PTPRD: variants seen among roughly 807,000 people sequenced by gnomAD.
PTPRD encodes the protein receptor-type tyrosine-protein phosphatase delta.
PTPRD carries 34 observed loss-of-function variants against 214.5 expected under a neutral mutation model. The observed-to-expected ratio is 0.16, with a 90% CI of 0.12 to 0.21. The LOEUF (loss-of-function observed/expected upper bound fraction) is 0.21. Ranked by LOEUF, PTPRD falls within the 10% of genes least tolerant of loss-of-function variation. The pLI is 1.00. For missense variants in PTPRD, 2,545 were observed against 2,398.7 expected, an observed-to-expected ratio of 1.06 and a Z score of -1.27; for synonymous variants, 1,128 against 845.7, an observed-to-expected ratio of 1.33 and a Z score of -5.79.
chr9:10,157,446 T>A (rs1034318570), intron 3 of PTPRD, among the ~76,000 whole-genome samples: 4 of 152,324 alleles, frequency 2.6e-5, no homozygotes, highest in Non-Finnish European at 4.4e-5. Context: ...CTTAAGAATG[T>A]TGAATATTGG....
In PTPRD at chr9:8,524,968, G is replaced by A. The variant is rs369295626; in HGVS notation, c.636C>T (p.Ser212=). ...CAGGAGCGGAATAGCGAGTGCCCGC[G>A]CTGTTGGTGGCAACACACTCATATT... The part of the protein sequence containing the change: ...QGKYECVATN[S]AGTRYSAPAN... The change falls in exon 18 of 46, where the codon AGC becomes AGT. Residue 212 remains serine (S), a synonymous_variant. Transcript: ENST00000381196. 44 of 1,613,466 alleles carry A rather than the reference G, an allele frequency of 2.7e-5. No individual in the cohort carries two copies. The highest frequency in any genetic ancestry group is 3.5e-5 in the Non-Finnish European group (41 of 1,179,706).
chr9:9,213,554 C>G (rs1465659428), intron 9 of PTPRD, among the ~76,000 whole-genome samples: 2 of 151,966 alleles, frequency 1.3e-5, no homozygotes, highest in Non-Finnish European at 2.9e-5. Flanking sequence ...AATAGGCAAC[C>G]ATTGGTTAGG....
At chr9:9,657,747 AC>A (rs2096547357) in intron 7 of PTPRD, among the ~76,000 whole-genome samples, 2 of 152,206 alleles carry the variant, frequency 1.3e-5, no homozygotes, top group African/African-American at 4.8e-5. Context: ...TTGACATAGG[AC>A]CCACAAGGCT....
chr9:10,392,001 T>C (rs1319318836), intron 2 of PTPRD, among the ~76,000 whole-genome samples: 1 of 151,846 alleles, frequency 6.6e-6, no homozygotes, highest in Non-Finnish European at 1.5e-5. Context: ...TTCCTTAAAC[T>C]CTTTTATGCC....
At chr9:9,759,370 C>T (rs1384490627) in intron 6 of PTPRD, among the ~76,000 whole-genome samples, 2 of 152,144 alleles carry the variant, frequency 1.3e-5, no homozygotes, top group Admixed American at 6.6e-5. Context: ...AAGAAGTCCC[C>T]ACAACCCAGT....
chr9:8,914,470 A>T (rs1330721187), intron 11 of PTPRD, among the ~76,000 whole-genome samples: 3 of 152,144 alleles, frequency 2.0e-5, no homozygotes, highest in Admixed American at 6.6e-5. Context: ...CAACTACTGC[A>T]CTATGATTGT....
intron 11 of PTPRD, among the ~76,000 whole-genome samples, chr9:8,931,188 A>T (rs1156795639): frequency 6.6e-6 from 1 of 151,874 alleles, no homozygotes; most frequent in East Asian, 1.9e-4. Context: ...ATGCCTAGCC[A>T]GTTTTCCCAG....
chr9:9,680,064 G>A (rs189217417), intron 7 of PTPRD, among the ~76,000 whole-genome samples: 2 of 151,872 alleles, frequency 1.3e-5, no homozygotes, highest in Admixed American at 1.3e-4. Context: ...GATAAATATG[G>A]TATCAGGGAA....
At chr9:10,578,432 T>G (rs554550410) in intron 2 of PTPRD, among the ~76,000 whole-genome samples, 17 of 152,272 alleles carry the variant, frequency 1.1e-4, no homozygotes, top group Non-Finnish European at 2.5e-4. Context: ...TTACAAATTT[T>G]TCATTCATGT....
intron 9 of PTPRD, among the ~76,000 whole-genome samples, chr9:9,359,455 T>G (rs2138906776): frequency 6.6e-6 from 1 of 151,414 alleles, no homozygotes; most frequent in Middle Eastern, 3.4e-3. Context: ...TCTTTTCATC[T>G]CTGTCCTGAT....
At chr9:9,373,769 C>G (rs2060118190) in intron 9 of PTPRD, among the ~76,000 whole-genome samples, 1 of 152,050 alleles carries the variant, frequency 6.6e-6, no homozygotes, top group Admixed American at 6.6e-5. Flanking sequence ...TTTGACTATG[C>G]AGGGTGAAAT....
intron 7 of PTPRD, among the ~76,000 whole-genome samples, chr9:9,650,677 A>C (rs1175544391): frequency 6.6e-5 from 10 of 152,118 alleles, no homozygotes; most frequent in African/African-American, 2.2e-4. Context: ...ACTAACGAGT[A>C]CTAGGCTTAA....
chr9:8,768,392 A>C (rs1428017180), intron 11 of PTPRD, among the ~76,000 whole-genome samples: 1 of 152,116 alleles, frequency 6.6e-6, no homozygotes. Context: ...CTCTACAAAA[A>C]TACAAAACAA....
intron 8 of PTPRD, among the ~76,000 whole-genome samples, chr9:9,526,739 T>C (rs979997834): frequency 2.0e-5 from 3 of 152,152 alleles, no homozygotes; most frequent in African/African-American, 7.2e-5. Context: ...CATTTCACAA[T>C]CTTTGTGGAA....
At chr9:10,277,318 C>T (rs2094769683) in intron 3 of PTPRD, among the ~76,000 whole-genome samples, 1 of 151,488 alleles carries the variant, frequency 6.6e-6, no homozygotes, top group Non-Finnish European at 1.5e-5. Context: ...GTGCCTTTAT[C>T]CCAAATCCAT....
At chr9:9,953,374 A>G (rs2093625095) in intron 4 of PTPRD, among the ~76,000 whole-genome samples, 1 of 152,118 alleles carries the variant, frequency 6.6e-6, no homozygotes. Flanking sequence ...CCATTCAGTA[A>G]CAGGTGTACT....
chr9:9,796,009 A>T lies in PTPRD; in HGVS notation c.-367-29158T>A, dbSNP rs57070002. ...AAGAAAAAAGAAAATATATAGAATT[A>T]CAGAATTATATTAAGAAAAAGATTC... On this transcript the variant is annotated intron_variant, in intron 5 of 45. Transcript: ENST00000381196. Among the ~76,000 whole-genome samples, 1,000 of 152,296 alleles carry T rather than the reference A, an allele frequency of 6.6e-3. 9 individuals are homozygous for T. The highest frequency in any genetic ancestry group is 0.023 in the African/African-American group (951 of 41,570).
At chr9:8,929,780 G>GTGTATATATATGTGTATATATAT (rs1272978143) in intron 11 of PTPRD, among the ~76,000 whole-genome samples, 2 of 82,442 alleles carry the variant, frequency 2.4e-5, no homozygotes, top group African/African-American at 1.2e-4. Flanking sequence ...TATATATATG[G>GTGTATATATATGTGTATATATAT]GTGTGTATAT....
chr9:9,159,053 A>C (rs2099883947), intron 10 of PTPRD, among the ~76,000 whole-genome samples: 1 of 152,244 alleles, frequency 6.6e-6, no homozygotes, highest in African/African-American at 2.4e-5. Flanking sequence ...GAAGGAATGT[A>C]TCTCAACACA....
Sources: allele counts gnomAD v4.1 joint callset (sites outside exome capture counted in the v4.1 genomes callset), GRCh38; gene constraint gnomAD v4.1.1; transcripts MANE v1.5; gene names NCBI Gene and HGNC (gene_info 2026-07-23, HGNC 2026-07-21).